The following SLC24A3 variants were observed in gnomAD, a reference collection of about 807,000 sequenced individuals.
SLC24A3 encodes the protein sodium/potassium/calcium exchanger 3.
SLC24A3 carries 28 observed loss-of-function variants against 75.8 expected under a neutral mutation model. That is an observed-to-expected ratio of 0.37 (90% CI 0.27 to 0.51). The LOEUF is 0.51. SLC24A3 is among the 20% of genes least tolerant of loss of function. The probability of loss-of-function intolerance (pLI) is 0.94; values close to 1 mark genes in which losing one functional copy is unlikely to be tolerated. For synonymous variants in SLC24A3, 372 were observed against 334.1 expected, an observed-to-expected ratio of 1.11 and a Z score of -1.24; for missense variants, 663 against 847.8, an observed-to-expected ratio of 0.78 and a Z score of 2.71.
rs6136823 is a variant in SLC24A3, at chr20:19,721,614, C to G, written c.*474C>G. On this transcript the variant is annotated 3_prime_UTR_variant, in exon 17 of 17. Transcript: ENST00000328041. ...TGGTTTGGAGATGATGCCTAGGTTACTGGGTTTGGGGGGATTGTTTTCTTT... is the reference window on the plus strand; with the variant it reads ...TGGTTTGGAGATGATGCCTAGGTTAGTGGGTTTGGGGGGATTGTTTTCTTT... 1.3e-5 allele frequency: 2 copies of G among 155,626 alleles called. No homozygotes were observed. The highest frequency in any genetic ancestry group is 6.4e-5 in the Admixed American group (1 of 15,590). The allele number at this position is 155,626 out of a possible 1,614,324, so 9.6% of individuals were successfully genotyped here. A position where few individuals can be genotyped will look rare whatever the true frequency, so the allele number is the denominator to read the frequency against.
intron 3 of SLC24A3, among the ~76,000 whole-genome samples, chr20:19,560,836 A>G (rs1010984167): frequency 6.6e-6 from 1 of 152,148 alleles, no homozygotes; most frequent in African/African-American, 2.4e-5. Flanking sequence ...GTATTCTTCG[A>G]AGAAAGGGTA....
rs147010768 is a variant in SLC24A3, at chr20:19,370,197, C to T, written c.271+89110C>T. Among the ~76,000 whole-genome samples the T allele has an allele frequency of 6.6e-4, 100 of 152,306 alleles. 3 individuals carry two copies. In the East Asian group the frequency reaches 0.018, roughly 27 times the overall value. Reference sequence around the variant, plus strand: ...TGTCCACAGTGGCTACTTTGAAATTCCAGAGTATCCCTGATCTAAGCATAT... The same window carrying T: ...TGTCCACAGTGGCTACTTTGAAATTTCAGAGTATCCCTGATCTAAGCATAT... On this transcript the variant is annotated intron_variant, in intron 2 of 16. Coordinates refer to ENST00000328041, the MANE Select transcript of SLC24A3 (RefSeq NM_020689.4).
chr20:19,692,203 T>A (rs562494070), intron 12 of SLC24A3, among the ~76,000 whole-genome samples: 2 of 152,356 alleles, frequency 1.3e-5, no homozygotes, highest in Admixed American at 6.5e-5. Context: ...ATAAAATGGT[T>A]CAATCATTTT....
At chr20:19,666,874 G>A (rs913922678) in intron 8 of SLC24A3, among the ~76,000 whole-genome samples, 15 of 152,210 alleles carry the variant, frequency 9.9e-5, no homozygotes, top group Admixed American at 6.5e-5. Flanking sequence ...TGGGTTCTGA[G>A]CAAATCAAGC....
At chr20:19,606,538 C>T (rs2031599847) in intron 6 of SLC24A3, among the ~76,000 whole-genome samples, 1 of 152,290 alleles carries the variant, frequency 6.6e-6, no homozygotes, top group Middle Eastern at 3.4e-3. Flanking sequence ...GACTGCTTTG[C>T]AAATGATATT....
intron 1 of SLC24A3, among the ~76,000 whole-genome samples, chr20:19,242,074 A>T (rs1982346798): frequency 6.6e-6 from 1 of 152,072 alleles, no homozygotes; most frequent in South Asian, 2.1e-4. Flanking sequence ...ATGCTATCAG[A>T]TCTCCATCAT....
chr20:19,299,398 C>T (rs73284634), intron 2 of SLC24A3, among the ~76,000 whole-genome samples: 3,063 of 152,190 alleles, frequency 0.02, 42 homozygotes, highest in African/African-American at 0.031. Context: ...AGAGGAAAAA[C>T]ATTTCTTCTT....
intron 2 of SLC24A3, among the ~76,000 whole-genome samples, chr20:19,388,694 C>A (rs1299831398): frequency 6.6e-6 from 1 of 152,148 alleles, no homozygotes; most frequent in Admixed American, 6.5e-5. Flanking sequence ...TATAGCTATC[C>A]TCTCTTGCTT....
At chr20:19,325,344 G>A (rs993932389) in intron 2 of SLC24A3, among the ~76,000 whole-genome samples, 24 of 151,922 alleles carry the variant, frequency 1.6e-4, no homozygotes, top group Non-Finnish European at 7.4e-5. Flanking sequence ...TACTGGTGGG[G>A]CTGAGGCAGG....
chr20:19,715,703 C>G (rs1469568841), intron 15 of SLC24A3, among the ~76,000 whole-genome samples: 1 of 152,178 alleles, frequency 6.6e-6, no homozygotes, highest in South Asian at 2.1e-4. Context: ...TATGCACACT[C>G]CAGTAGTGAA....
chr20:19,644,900 A>G (rs2032117231), intron 6 of SLC24A3, among the ~76,000 whole-genome samples: 1 of 152,054 alleles, frequency 6.6e-6, no homozygotes, highest in South Asian at 2.1e-4. Flanking sequence ...AAAAAAAAAT[A>G]CATCTTTATT....
At chr20:19,349,914 C>T (rs1243146127) in intron 2 of SLC24A3, among the ~76,000 whole-genome samples, 2 of 152,178 alleles carry the variant, frequency 1.3e-5, no homozygotes, top group East Asian at 3.8e-4. Context: ...CACTGTGTGG[C>T]ATATGTTTCT....
intron 2 of SLC24A3, among the ~76,000 whole-genome samples, chr20:19,483,107 G>A (rs895605802): frequency 6.6e-6 from 1 of 152,196 alleles, no homozygotes; most frequent in Non-Finnish European, 1.5e-5. Context: ...TTGTTTGCTT[G>A]TAATTAATGG....
chr20:19,307,933 G>A (rs1002965474), intron 2 of SLC24A3, among the ~76,000 whole-genome samples: 4 of 152,152 alleles, frequency 2.6e-5, no homozygotes, highest in African/African-American at 9.7e-5. Context: ...AGCTAACTCA[G>A]CACAGGAGGA....
intron 12 of SLC24A3, among the ~76,000 whole-genome samples, chr20:19,690,098 C>T (rs1158788606): frequency 1.3e-5 from 2 of 150,926 alleles, no homozygotes; most frequent in African/African-American, 2.4e-5. Flanking sequence ...ATTTGACTGC[C>T]TTTGTTCCTC....
At chr20:19,623,305 G>C (rs918735686) in intron 6 of SLC24A3, among the ~76,000 whole-genome samples, 2 of 152,132 alleles carry the variant, frequency 1.3e-5, no homozygotes, top group Non-Finnish European at 2.9e-5. Context: ...TGCCATAAAT[G>C]CTTTCTCAAA....
intron 2 of SLC24A3, among the ~76,000 whole-genome samples, chr20:19,488,215 C>G (rs1330246843): frequency 6.6e-6 from 1 of 152,228 alleles, no homozygotes; most frequent in Non-Finnish European, 1.5e-5. Context: ...TGCTCAGTCC[C>G]CTCAGCAGTA....
chr20:19,588,322 T>A (rs966705453), intron 6 of SLC24A3, among the ~76,000 whole-genome samples: 4 of 152,200 alleles, frequency 2.6e-5, no homozygotes, highest in Admixed American at 6.5e-5. Context: ...GCACTTTCAT[T>A]TGGCTGGGAG....
chr20:19,224,121 A>AGTGAGT (rs1555782226), intron 1 of SLC24A3, among the ~76,000 whole-genome samples: 2 of 149,210 alleles, frequency 1.3e-5, no homozygotes, highest in African/African-American at 4.9e-5. Flanking sequence ...TGAGTGTGTG[A>AGTGAGT]GTGTGTGTGT....
Sources: allele counts gnomAD v4.1 joint callset (sites outside exome capture counted in the v4.1 genomes callset), GRCh38; gene constraint gnomAD v4.1.1; transcripts MANE v1.5; gene names NCBI Gene and HGNC (gene_info 2026-07-23, HGNC 2026-07-21).